Variants in GRID2 observed in about 807,000 individuals in gnomAD.
The protein encoded by GRID2 is glutamate ionotropic receptor delta type subunit 2.
In GRID2, 33 loss-of-function variants were observed where a neutral mutation model predicts 114.8. That is an observed-to-expected ratio of 0.29 (90% CI 0.22 to 0.38). The LOEUF (loss-of-function observed/expected upper bound fraction) is 0.38. Among genes scored for constraint, GRID2 ranks in the 10% least tolerant of loss-of-function variants. GRID2 has a pLI of 1.00. For missense variants in GRID2, 1,184 were observed against 1,257.7 expected (o/e 0.94, Z 0.89); for synonymous variants, 505 against 449.9 (o/e 1.12, Z -1.55).
At chr4:93,683,796 C>T (rs924893541) in intron 14 of GRID2, among the ~76,000 whole-genome samples, 4 of 151,976 alleles carry the variant, frequency 2.6e-5, no homozygotes, top group Admixed American at 2.0e-4. Context: ...CTCTGTGTTT[C>T]AGGAGGTTAC....
At chr4:93,439,455 G>A (rs1045694579) in intron 10 of GRID2, among the ~76,000 whole-genome samples, 36 of 152,050 alleles carry the variant, frequency 2.4e-4, no homozygotes, top group Admixed American at 1.0e-3. Context: ...TAGGCATTTT[G>A]ATTTTGTGGT....
intron 8 of GRID2, among the ~76,000 whole-genome samples, chr4:93,296,590 C>T (rs1329512407): frequency 6.6e-6 from 1 of 152,166 alleles, no homozygotes; most frequent in Non-Finnish European, 1.5e-5. Flanking sequence ...CTTTTACATG[C>T]AAACATCCAA....
intron 4 of GRID2, among the ~76,000 whole-genome samples, chr4:93,187,328 G>C (rs1740523646): frequency 6.6e-6 from 1 of 151,992 alleles, no homozygotes; most frequent in Non-Finnish European, 1.5e-5. Flanking sequence ...CCTGGCTGGA[G>C]TGCAGTGGTG....
chr4:92,659,580 T>C (rs988626306), intron 2 of GRID2, among the ~76,000 whole-genome samples: 2 of 151,626 alleles, frequency 1.3e-5, no homozygotes, highest in African/African-American at 4.8e-5. Flanking sequence ...GCATTTACCA[T>C]AATATTTTTG....
intron 2 of GRID2, among the ~76,000 whole-genome samples, chr4:93,069,842 TCA>T (rs1728657492): frequency 6.6e-6 from 1 of 152,078 alleles, no homozygotes; most frequent in Non-Finnish European, 1.5e-5. Context: ...TCAAGATTCC[TCA>T]CTTACACTTA....
At position 93,241,816 on chromosome 4, in the gene GRID2, AAGTG is replaced by A. The variant is rs951584125; in HGVS notation, c.1245+3330_1245+3333del. Reference sequence around the variant, plus strand: ...CAGTAGAAAAGTAAAAAAAAAAAAAAAGTGAGTATGTTTGGGTAGTAATTAAATG... The same window carrying A: ...CAGTAGAAAAGTAAAAAAAAAAAAAAAGTATGTTTGGGTAGTAATTAAATG... On this transcript the variant is annotated intron_variant, in intron 8 of 15. Coordinates refer to ENST00000282020, the MANE Select transcript of GRID2 (RefSeq NM_001510.4). 2.6e-4 allele frequency among the ~76,000 whole-genome samples: 40 copies of A among 151,728 alleles called. 1 individual carries two copies. Among genetic ancestry groups the A allele is most frequent in the Admixed American group, 1.1e-3 (16 of 15,134 alleles).
chr4:93,184,507 CAAAA>C lies in GRID2; in HGVS notation c.736-22877_736-22874del, dbSNP rs1170737672. ...AGTTCACTTTAGCCATATTATTTCT[CAAAA>C]AAAAAAAAAAAAAAAAAAACTCACA... On this transcript the variant is annotated intron_variant, in intron 4 of 15. Coordinates refer to ENST00000282020, the MANE Select transcript of GRID2 (RefSeq NM_001510.4). 1.2e-3 allele frequency among the ~76,000 whole-genome samples: 96 copies of C among 79,554 alleles called. 1 individual carries two copies. The highest frequency in any genetic ancestry group is 2.6e-3 in the African/African-American group (70 of 26,798). The allele number at this position is 79,554 out of a possible 152,430, so 52.2% of individuals were successfully genotyped here.
chr4:92,452,547 A>C lies in GRID2; in HGVS notation c.89-137584A>C, dbSNP rs1720979786. 2.0e-5 allele frequency among the ~76,000 whole-genome samples: 3 copies of C among 152,110 alleles called. No individual in the cohort carries two copies. In the South Asian group the frequency reaches 6.2e-4, roughly 32 times the overall value. On this transcript the variant is annotated intron_variant, in intron 1 of 15. Transcript: ENST00000282020. ...GCCATGACTGGCCAGGCTGGTCTTG[A>C]ACTCCTGACCTCAGGTGATCCACCC...
intron 2 of GRID2, among the ~76,000 whole-genome samples, chr4:92,757,646 G>T (rs1737791414): frequency 6.6e-6 from 1 of 151,812 alleles, no homozygotes; most frequent in African/African-American, 2.4e-5. Flanking sequence ...TGATAGAGAA[G>T]AATAAAGGGC....
intron 13 of GRID2, among the ~76,000 whole-genome samples, chr4:93,617,594 G>A (rs1351646841): frequency 2.0e-5 from 3 of 151,920 alleles, no homozygotes; most frequent in Non-Finnish European, 4.4e-5. Flanking sequence ...ATTTTTCAGC[G>A]ATATTCGGGT....
chr4:93,014,058 C>A (rs2149236174), intron 2 of GRID2, among the ~76,000 whole-genome samples: 1 of 152,018 alleles, frequency 6.6e-6, no homozygotes, highest in African/African-American at 2.4e-5. Flanking sequence ...TATTTGAGCA[C>A]TTTGTGGAGA....
intron 2 of GRID2, among the ~76,000 whole-genome samples, chr4:92,928,916 C>G (rs964477601): frequency 1.9e-4 from 28 of 151,202 alleles, no homozygotes; most frequent in African/African-American, 6.5e-4. Flanking sequence ...TTTGATTTCC[C>G]CATCTAGTAA....
At chr4:92,323,900 A>C (rs1038130130) in intron 1 of GRID2, among the ~76,000 whole-genome samples, 1 of 152,000 alleles carries the variant, frequency 6.6e-6, no homozygotes, top group Non-Finnish European at 1.5e-5. Context: ...ATACTCTATG[A>C]ATTTTTACTA....
chr4:92,392,341 C>A (rs1270714078), intron 1 of GRID2, among the ~76,000 whole-genome samples: 1 of 151,930 alleles, frequency 6.6e-6, no homozygotes, highest in African/African-American at 2.4e-5. Flanking sequence ...GAGATCAAGA[C>A]CATCCTGGCC....
At chr4:92,722,852 T>C (rs1179638765) in intron 2 of GRID2, among the ~76,000 whole-genome samples, 1 of 149,096 alleles carries the variant, frequency 6.7e-6, no homozygotes, top group Non-Finnish European at 1.5e-5. Context: ...GACCTGTTGA[T>C]GATTATGATT....
At chr4:92,378,728 A>G (rs1729473632) in intron 1 of GRID2, among the ~76,000 whole-genome samples, 2 of 152,096 alleles carry the variant, frequency 1.3e-5, no homozygotes, top group Non-Finnish European at 2.9e-5. Context: ...TTATTCAACC[A>G]TTTAAATTTA....
intron 1 of GRID2, among the ~76,000 whole-genome samples, chr4:92,340,060 T>C (rs553685052): frequency 6.6e-6 from 1 of 152,048 alleles, no homozygotes; most frequent in Non-Finnish European, 1.5e-5. Context: ...ACCAAAAATA[T>C]CCCTTTGAAG....
At chr4:93,119,410 CA>C (rs1216329582) in intron 4 of GRID2, among the ~76,000 whole-genome samples, 1 of 152,032 alleles carries the variant, frequency 6.6e-6, no homozygotes, top group Non-Finnish European at 1.5e-5. Context: ...AGAAACAATA[CA>C]AAAAAATTCT....
chr4:93,730,342 GTT>G (rs1445938331), intron 14 of GRID2, among the ~76,000 whole-genome samples: 1 of 152,314 alleles, frequency 6.6e-6, no homozygotes, highest in East Asian at 1.9e-4. Flanking sequence ...AACTCAGATT[GTT>G]TTAGTCACAC....
Sources: gnomAD v4.1 joint callset for allele counts (sites outside exome capture counted in the v4.1 genomes callset) on GRCh38, gnomAD v4.1.1 for gene constraint, MANE v1.5 for transcripts, NCBI Gene and HGNC (gene_info 2026-07-23, HGNC 2026-07-21) for gene names.